The following POLK variants were observed in gnomAD, a reference collection of about 807,000 sequenced individuals.
The protein encoded by POLK is polymerase (DNA directed) kappa.
POLK carries 76 observed loss-of-function variants against 94.0 expected under a neutral mutation model. That is an observed-to-expected ratio of 0.81 (90% CI 0.67 to 0.98). POLK has a LOEUF of 0.98. Ranked by LOEUF, POLK falls within the 50% of genes least tolerant of loss-of-function variation. POLK has a pLI of 0.00. For synonymous variants in POLK, 349 were observed against 325.4 expected (o/e 1.07, Z -0.78); for missense variants, 954 against 1,010.1 (o/e 0.94, Z 0.75).
chr5:75,601,150 T>C (rs756739702), downstream of POLK: 1 of 152,180 alleles, frequency 6.6e-6, no homozygotes, highest in Non-Finnish European at 1.5e-5. Flanking sequence ...AAAAACTGCT[T>C]TCGTTAACAA....
chr5:75,594,295 G>A (rs1772949561), intron 12 of POLK, among the ~76,000 whole-genome samples: 1 of 152,128 alleles, frequency 6.6e-6, no homozygotes, highest in Admixed American at 6.5e-5. Flanking sequence ...TTTACAGCGG[G>A]TTTATCTGGA....
chr5:75,554,502 TA>T (rs1169343865), intron 3 of POLK, among the ~76,000 whole-genome samples: 1 of 152,150 alleles, frequency 6.6e-6, no homozygotes, highest in African/African-American at 2.4e-5. Context: ...CTTCAAAATT[TA>T]TTTTTTTTAA....
chr5:75,576,730 G>T, intron 5 of POLK, 50 bp from the exon 6 acceptor site: 1 of 978,048 alleles, frequency 1.0e-6, no homozygotes, highest in South Asian at 2.4e-5. Flanking sequence ...TATGACAGAA[G>T]AAGTTTGCTA....
upstream of POLK, chr5:75,511,056 T>G: frequency 6.8e-7 from 1 of 1,470,350 alleles, no homozygotes; most frequent in Non-Finnish European, 9.0e-7. Context: ...CCTCAGCGGA[T>G]TGCCTCGCTG....
intron 1 of POLK, among the ~76,000 whole-genome samples, chr5:75,529,529 TAC>T (rs1251609139): frequency 6.6e-6 from 1 of 152,210 alleles, no homozygotes; most frequent in East Asian, 1.9e-4. Context: ...GTTATACTGT[TAC>T]ATAGTATATG....
exon 15 of POLK, chr5:75,598,560 T>C (rs907705295): frequency 6.6e-6 from 1 of 152,596 alleles, no homozygotes; most frequent in Non-Finnish European, 1.5e-5. Flanking sequence ...GCCTAAAATA[T>C]AATTTTTAAT....
chr5:75,565,350 T>C (rs1212730380), intron 3 of POLK, among the ~76,000 whole-genome samples: 1 of 152,170 alleles, frequency 6.6e-6, no homozygotes, highest in African/African-American at 2.4e-5. Flanking sequence ...CGGAGGACTT[T>C]GTTATTACCC....
chr5:75,579,864 T>C (rs962687969), intron 6 of POLK, among the ~76,000 whole-genome samples: 3 of 151,248 alleles, frequency 2.0e-5, no homozygotes, highest in African/African-American at 7.3e-5. Context: ...CTGGGCAAGA[T>C]TGTGAAACCC....
chr5:75,554,865 A>G (rs969804037), intron 3 of POLK, among the ~76,000 whole-genome samples: 3 of 152,200 alleles, frequency 2.0e-5, no homozygotes, highest in Non-Finnish European at 2.9e-5. Flanking sequence ...ACAGTATTCC[A>G]TGGTGTATAT....
chr5:75,547,291 G>T, intron 2 of POLK, 134 bp downstream of exon 2: 2 of 301,586 alleles, frequency 6.6e-6, no homozygotes, highest in Non-Finnish European at 1.2e-5. Flanking sequence ...ACTACAAAAG[G>T]GTATGGAATA....
intron 3 of POLK, among the ~76,000 whole-genome samples, chr5:75,560,563 G>A (rs1770917802): frequency 6.6e-6 from 1 of 152,062 alleles, no homozygotes; most frequent in African/African-American, 2.4e-5. Flanking sequence ...TACATGTGCA[G>A]AATGTGCAGG....
chr5:75,608,220 G>A, the POLK span, among the ~76,000 whole-genome samples: 4 of 151,026 alleles, frequency 2.6e-5, no homozygotes, highest in Non-Finnish European at 5.9e-5. Context: ...TTGAGACAGA[G>A]TCTTGCTCTG....
chr5:75,597,156 C>T lies in POLK; in HGVS notation c.2463C>T (p.Pro821=), dbSNP rs1235855105. ...ATAAATTTAACCCAGTTAATCAACC[C>T]AAAGAAAGCTCCAGAAGTACTGGTA... Residue 821 remains proline, a synonymous_variant, in exon 13 of 15, where the codon CCC becomes CCT. Transcript: ENST00000241436. 23 of 1,587,496 alleles carry T rather than the reference C, an allele frequency of 1.4e-5. No homozygotes were observed. The Middle Eastern group carries it at 6.7e-4, about 46-fold the overall frequency.
chr5:75,574,095 C>G (rs959507436), intron 5 of POLK, among the ~76,000 whole-genome samples: 1 of 152,136 alleles, frequency 6.6e-6, no homozygotes, highest in Non-Finnish European at 1.5e-5. Flanking sequence ...TTTTCATTTG[C>G]TTAGAAAACT....
intron 3 of POLK, among the ~76,000 whole-genome samples, chr5:75,567,393 G>T (rs1771335631): frequency 6.6e-6 from 1 of 152,116 alleles, no homozygotes; most frequent in Admixed American, 6.5e-5. Context: ...CTCTGGTTCA[G>T]AATTGAGGTA....
rs1015990849 is a variant in POLK at position 75,583,286 on chromosome 5, T to C, written c.935-7T>C. ...TCTTTGAGTCATCAGAGTATTCTTCTTTTAAGGCATTGCCCCAAATACAAT... is the reference window on the plus strand; with the variant it reads ...TCTTTGAGTCATCAGAGTATTCTTCCTTTAAGGCATTGCCCCAAATACAAT... On this transcript the variant is annotated splice_polypyrimidine_tract_variant and splice_region_variant and intron_variant, in intron 7 of 14. Coordinates refer to ENST00000241436, the Ensembl canonical transcript of POLK. The C allele has an allele frequency of 6.3e-7, 1 of 1,581,196 alleles. No homozygotes were observed. Among genetic ancestry groups the C allele is most frequent in the Non-Finnish European group, 8.6e-7 (1 of 1,163,380 alleles).
intron 9 of POLK, 50 bp from the exon 10 acceptor site, chr5:75,586,976 A>C: frequency 7.4e-7 from 1 of 1,358,346 alleles, no homozygotes; most frequent in Non-Finnish European, 1.0e-6. Flanking sequence ...TTGGTTAACT[A>C]AAAAAAACTC....
At chr5:75,529,458 T>C (rs1302749999) in intron 1 of POLK, among the ~76,000 whole-genome samples, 3 of 151,940 alleles carry the variant, frequency 2.0e-5, no homozygotes, top group African/African-American at 7.3e-5. Context: ...AACATGAGAT[T>C]TGGAGAGGAA....
chr5:75,588,307 AAACT>A (rs751338497), intron 10 of POLK, among the ~76,000 whole-genome samples: 19 of 152,176 alleles, frequency 1.2e-4, no homozygotes, highest in South Asian at 2.1e-4. Context: ...TTTATATCAC[AAACT>A]AACTAACTTC....
Sources: allele counts gnomAD v4.1 joint callset (sites outside exome capture counted in the v4.1 genomes callset), GRCh38; gene constraint gnomAD v4.1.1; transcripts MANE v1.5; gene names NCBI Gene and HGNC (gene_info 2026-07-23, HGNC 2026-07-21).